Variants in PGAP1 observed in about 807,000 individuals in gnomAD.
PGAP1 encodes post-GPI attachment to proteins inositol deacylase 1.
PGAP1 carries 76 observed loss-of-function variants against 127.0 expected under a neutral mutation model. The observed-to-expected ratio is 0.60, with a 90% CI of 0.50 to 0.72. The LOEUF (loss-of-function observed/expected upper bound fraction) is 0.72, where lower values mean the gene tolerates loss of function less well. Ranked by LOEUF, PGAP1 falls within the 30% of genes least tolerant of loss-of-function variation. PGAP1 has a pLI of 0.00. For synonymous variants in PGAP1, 362 were observed against 366.5 expected (o/e 0.99, Z 0.14); for missense variants, 982 against 1,071.3 (o/e 0.92, Z 1.16).
In PGAP1 at chr2:196,872,496, T is replaced by C. The variant is rs766790181; in HGVS notation, c.1673A>G (p.Asn558Ser). The C allele has an allele frequency of 6.2e-7, 1 of 1,613,528 alleles. No homozygotes were observed. The highest frequency in any genetic ancestry group is 1.1e-5 in the South Asian group (1 of 91,062). Residue 558 changes from asparagine to serine, a missense_variant, in exon 18 of 27, where the codon AAC becomes AGC. By Grantham distance (46) the Asn-to-Ser change is conservative (BLOSUM62 1). Transcript: ENST00000354764. Reference sequence around the variant, plus strand: ...TTTAAATAATGCCACATGGGTATTGTTTTCTGGTTGAGCAATATGGAGTTT... The same window carrying C: ...TTTAAATAATGCCACATGGGTATTGCTTTCTGGTTGAGCAATATGGAGTTT... ...SLKLHIAQPE[N>S]NTHVALFKMY...
intron 20 of PGAP1, among the ~76,000 whole-genome samples, chr2:196,854,126 G>C (rs1049916972): frequency 1.3e-5 from 2 of 151,730 alleles, no homozygotes; most frequent in African/African-American, 4.8e-5. Flanking sequence ...TGAATTCCTA[G>C]GCTCAAGTGA....
chr2:196,890,057 C>G (rs974345387), intron 10 of PGAP1, among the ~76,000 whole-genome samples: 9 of 151,956 alleles, frequency 5.9e-5, no homozygotes, highest in East Asian at 1.9e-4. Context: ...CCCCAGCCCC[C>G]CAAGTAGCAG....
chr2:196,917,310 T>C (rs984304824), intron 2 of PGAP1, among the ~76,000 whole-genome samples: 2 of 152,236 alleles, frequency 1.3e-5, no homozygotes, highest in African/African-American at 4.8e-5. Context: ...CATTTCATTT[T>C]GTAAAAACAT....
chr2:196,901,439 T>A (rs1311707251), intron 5 of PGAP1, among the ~76,000 whole-genome samples: 1 of 152,114 alleles, frequency 6.6e-6, no homozygotes, highest in Non-Finnish European at 1.5e-5. Flanking sequence ...AAAAGGAGTA[T>A]CTATGAAGAG....
intron 4 of PGAP1, among the ~76,000 whole-genome samples, chr2:196,904,935 T>C (rs1312765469): frequency 6.6e-6 from 1 of 152,128 alleles, no homozygotes; most frequent in Non-Finnish European, 1.5e-5. Flanking sequence ...TCAACAAGTA[T>C]AAACAGGGAA....
intron 1 of PGAP1, among the ~76,000 whole-genome samples, chr2:196,920,888 C>T (rs2125841066): frequency 6.6e-6 from 1 of 152,194 alleles, no homozygotes; most frequent in African/African-American, 2.4e-5. Context: ...ACTACTGAGT[C>T]AGTAGTTCAC....
At chr2:196,841,604 G>A (rs1295278528) in intron 26 of PGAP1, among the ~76,000 whole-genome samples, 3 of 152,116 alleles carry the variant, frequency 2.0e-5, no homozygotes, top group Non-Finnish European at 4.4e-5. Flanking sequence ...TGCAAGCTCC[G>A]CCTCCCGGGT....
intron 2 of PGAP1, among the ~76,000 whole-genome samples, chr2:196,917,244 T>C (rs1703044351): frequency 6.6e-6 from 1 of 152,210 alleles, no homozygotes; most frequent in Non-Finnish European, 1.5e-5. Flanking sequence ...AAATTGCTTA[T>C]ATTAGGTGGC....
chr2:196,926,672 C>T lies in PGAP1; in HGVS notation c.-56G>A. The T allele has an allele frequency of 5.0e-6, 8 of 1,610,130 alleles. No homozygotes were observed. Among genetic ancestry groups the T allele is most frequent in the Non-Finnish European group, 5.1e-6 (6 of 1,178,310 alleles). On this transcript the variant is annotated 5_prime_UTR_variant, in exon 1 of 27. Transcript: ENST00000354764. ...GCCCCCTCTACCTCCTTCTCCGCCG[C>T]GGGGCCCCAAGCCCGGACTGAGCGT... is the stretch of plus-strand genomic sequence containing the variant.
chr2:196,869,381 G>A (rs1315047401), intron 19 of PGAP1, among the ~76,000 whole-genome samples: 2 of 152,060 alleles, frequency 1.3e-5, no homozygotes, highest in Non-Finnish European at 2.9e-5. Flanking sequence ...TGTTGCCCAG[G>A]CTGGAGTGCA....
chr2:196,903,664 A>G (rs1302816879), intron 4 of PGAP1, among the ~76,000 whole-genome samples: 1 of 152,094 alleles, frequency 6.6e-6, no homozygotes, highest in Non-Finnish European at 1.5e-5. Flanking sequence ...ATCTATCTGG[A>G]CAATACCATT....
intron 14 of PGAP1, 49 bp from the exon 15 acceptor site, chr2:196,873,807 A>T (rs780315212): frequency 1.7e-6 from 2 of 1,206,168 alleles, no homozygotes; most frequent in South Asian, 1.3e-5. Flanking sequence ...GGAAGTTTTT[A>T]AAAACATACT....
intron 7 of PGAP1, among the ~76,000 whole-genome samples, chr2:196,896,077 T>G (rs908441650): frequency 6.6e-6 from 1 of 152,210 alleles, no homozygotes; most frequent in Non-Finnish European, 1.5e-5. Flanking sequence ...TCTCTGAATT[T>G]TGCTGAAATC....
chr2:196,870,877 C>T, intron 19 of PGAP1, 64 bp downstream of exon 19: 2 of 1,410,450 alleles, frequency 1.4e-6, no homozygotes, highest in African/African-American at 1.4e-5. Flanking sequence ...AAGTCTACAA[C>T]CCTTCCTTAG....
At chr2:196,915,314 T>C (rs1292256881) in intron 3 of PGAP1, among the ~76,000 whole-genome samples, 1 of 152,040 alleles carries the variant, frequency 6.6e-6, no homozygotes, top group Non-Finnish European at 1.5e-5. Context: ...TCCTGTCTAG[T>C]GGCTTTAAGT....
At chr2:196,877,543 A>G (rs569649969) in intron 13 of PGAP1, 1 of 152,296 alleles carries the variant, frequency 6.6e-6, no homozygotes, top group African/African-American at 2.4e-5. Context: ...AGTTTGAGAA[A>G]AATGTTAGAT....
intron 1 of PGAP1, among the ~76,000 whole-genome samples, chr2:196,923,666 CTT>C (rs755055183): frequency 1.6e-4 from 23 of 144,168 alleles, no homozygotes; most frequent in Admixed American, 3.5e-4. Flanking sequence ...TTTTTTCTTT[CTT>C]TTTTTTTTTT....
chr2:196,899,254 C>G lies in PGAP1; in HGVS notation c.808-885G>C, dbSNP rs148106537. Among the ~76,000 whole-genome samples, 991 of 152,252 alleles carry G rather than the reference C, an allele frequency of 6.5e-3. 6 individuals carry two copies. The highest frequency in any genetic ancestry group is 0.023 in the African/African-American group (938 of 41,552). ...AACAGCATAGATGCAAGAAAATTTA[C>G]AGAGGCCTAAAATGTCTCTTTAATA... is the stretch of plus-strand genomic sequence containing the variant. On this transcript the variant is annotated intron_variant, in intron 5 of 26. Coordinates refer to ENST00000354764, the MANE Select transcript of PGAP1 (RefSeq NM_024989.4).
At chr2:196,906,583 A>G (rs1352735072) in intron 4 of PGAP1, among the ~76,000 whole-genome samples, 10 of 45,738 alleles carry the variant, frequency 2.2e-4, no homozygotes, top group African/African-American at 5.8e-4. Context: ...CACCAGCAAC[A>G]GAACAAAGCT....
Sources: allele counts gnomAD v4.1 joint callset (sites outside exome capture counted in the v4.1 genomes callset), GRCh38; gene constraint gnomAD v4.1.1; transcripts MANE v1.5; gene names NCBI Gene and HGNC (gene_info 2026-07-23, HGNC 2026-07-21).